Variants in CTNNA3 observed in about 807,000 individuals in gnomAD.
CTNNA3 encodes catenin alpha 3, also known as catenin alpha-3.
CTNNA3 carries 76 observed loss-of-function variants against 95.7 expected under a neutral mutation model. The observed-to-expected ratio is 0.79, with a 90% CI of 0.66 to 0.96. CTNNA3 has a LOEUF of 0.96. CTNNA3 is among the 40% of genes least tolerant of loss of function. The pLI is 0.00. For missense variants in CTNNA3, 1,191 were observed against 1,089.8 expected, an observed-to-expected ratio of 1.09 and a Z score of -1.31; for synonymous variants, 431 against 374.4, an observed-to-expected ratio of 1.15 and a Z score of -1.74.
rs529431000 is a variant in CTNNA3, at chr10:65,981,772, G to T, written c.2265+6920C>A. 2.0e-5 allele frequency among the ~76,000 whole-genome samples: 3 copies of T among 152,046 alleles called. No homozygotes were observed. The East Asian group carries it at 5.8e-4, about 30-fold the overall frequency. On this transcript the variant is annotated intron_variant, in intron 16 of 17. Transcript: ENST00000433211. ...AAGGACACCCTATATGACAAATGGT[G>T]CTGGGATAATTGGCTAGCCAGATGT...
chr10:66,552,130 C>T (rs1175337521), intron 10 of CTNNA3, among the ~76,000 whole-genome samples: 1 of 151,958 alleles, frequency 6.6e-6, no homozygotes, highest in African/African-American at 2.4e-5. Flanking sequence ...GTCTCCATCT[C>T]CTGACCTCTT....
In CTNNA3 at chr10:66,875,392, A is replaced by AT. The variant is rs898101324; in HGVS notation, c.1048-99869dup. The stretch of plus-strand genomic sequence containing the variant: ...GTCACTTTTGCTTTTAATCACTGTT[A>AT]TTTAAAAAAAAAAAAAAATAGAAGA... On this transcript the variant is annotated intron_variant, in intron 7 of 17. Coordinates refer to ENST00000433211, the MANE Select transcript of CTNNA3 (RefSeq NM_013266.4). Among the ~76,000 whole-genome samples, 26 of 67,638 alleles carry AT rather than the reference A, an allele frequency of 3.8e-4. 1 individual carries two copies. The South Asian group carries it at 0.013, about 35-fold the overall frequency. The allele number at this position is 67,638 out of a possible 152,430, so 44.4% of individuals were successfully genotyped here. A position where few individuals can be genotyped will look rare whatever the true frequency, so the allele number is the denominator to read the frequency against.
At chr10:67,165,733 T>C (rs1861740372) in intron 7 of CTNNA3, among the ~76,000 whole-genome samples, 1 of 152,198 alleles carries the variant, frequency 6.6e-6, no homozygotes, top group Non-Finnish European at 1.5e-5. Flanking sequence ...GGCTTTCCCA[T>C]ATAGCATAAA....
chr10:65,947,996 G>A (rs2077544994), intron 17 of CTNNA3, among the ~76,000 whole-genome samples: 1 of 152,216 alleles, frequency 6.6e-6, no homozygotes, highest in African/African-American at 2.4e-5. Context: ...CCATGTGCGC[G>A]GCCAGGCGCG....
intron 3 of CTNNA3, among the ~76,000 whole-genome samples, chr10:67,565,766 G>C (rs1841742722): frequency 6.7e-6 from 1 of 149,566 alleles, no homozygotes; most frequent in South Asian, 2.1e-4. Context: ...ATATAAATTA[G>C]TACAGCCTCT....
chr10:66,150,813 C>A (rs1317187802), intron 13 of CTNNA3, among the ~76,000 whole-genome samples: 5 of 151,796 alleles, frequency 3.3e-5, no homozygotes, highest in African/African-American at 1.2e-4. Flanking sequence ...TTGTTTTAAA[C>A]CTGATTTCTT....
chr10:67,329,661 T>TA (rs934447738), intron 5 of CTNNA3, among the ~76,000 whole-genome samples: 3 of 152,168 alleles, frequency 2.0e-5, no homozygotes, highest in African/African-American at 4.8e-5. Flanking sequence ...TGGGAAGAGA[T>TA]AAAAAACTCA....
intron 7 of CTNNA3, among the ~76,000 whole-genome samples, chr10:67,127,913 T>C (rs1167367273): frequency 6.6e-6 from 1 of 152,092 alleles, no homozygotes; most frequent in East Asian, 1.9e-4. Context: ...CACATGTACA[T>C]GCATGTGTAT....
intron 5 of CTNNA3, among the ~76,000 whole-genome samples, chr10:67,378,386 T>C (rs1843775471): frequency 6.6e-6 from 1 of 152,136 alleles, no homozygotes; most frequent in Admixed American, 6.5e-5. Context: ...CCAGGTATGG[T>C]TATCAAAACT....
intron 3 of CTNNA3, among the ~76,000 whole-genome samples, chr10:67,578,955 A>T (rs1842267086): frequency 1.4e-5 from 2 of 140,184 alleles, no homozygotes; most frequent in Non-Finnish European, 3.1e-5. Context: ...GCCATGTTGA[A>T]CTATCCTTGC....
In CTNNA3 at chr10:67,723,761, A is replaced by G. The variant is rs371597740; in HGVS notation, c.-2+39673T>C. On this transcript the variant is annotated intron_variant, in intron 1 of 17. Coordinates refer to the CTNNA3 transcript ENST00000684154. ...CCTGCTTAGCCTCACTTCTGATTCCAGTCACGACTGTGAAGGATAGTTCCT... is the reference window on the plus strand; with the variant it reads ...CCTGCTTAGCCTCACTTCTGATTCCGGTCACGACTGTGAAGGATAGTTCCT... 4.6e-5 allele frequency among the ~76,000 whole-genome samples: 7 copies of G among 152,110 alleles called. No homozygotes were observed. In the East Asian group the frequency reaches 9.6e-4, roughly 21 times the overall value.
chr10:66,621,668 C>A (rs2132317415), intron 10 of CTNNA3, 24 bp downstream of exon 10: 2 of 1,408,990 alleles, frequency 1.4e-6, no homozygotes, highest in East Asian at 2.3e-5. Context: ...ATTTTACACA[C>A]AAAAAGTAAC....
chr10:67,444,177 T>C (rs1846651321), intron 5 of CTNNA3, among the ~76,000 whole-genome samples: 1 of 152,098 alleles, frequency 6.6e-6, no homozygotes, highest in South Asian at 2.1e-4. Context: ...TTCAAGAAAT[T>C]AAAATAATAT....
At chr10:66,398,216 G>T (rs988729254) in intron 11 of CTNNA3, among the ~76,000 whole-genome samples, 7 of 151,810 alleles carry the variant, frequency 4.6e-5, no homozygotes, top group African/African-American at 1.7e-4. Flanking sequence ...TTGTGTACAA[G>T]ATTTCAGTTT....
At chr10:67,434,527 A>G (rs1386478571) in intron 5 of CTNNA3, among the ~76,000 whole-genome samples, 1 of 151,986 alleles carries the variant, frequency 6.6e-6, no homozygotes, top group Non-Finnish European at 1.5e-5. Flanking sequence ...TATTTGCTGA[A>G]TGGCATTTAC....
At chr10:67,647,387 T>A (rs1266768003) in intron 2 of CTNNA3, 28 bp downstream of exon 2, 6 of 1,481,288 alleles carry the variant, frequency 4.1e-6, no homozygotes, top group Non-Finnish European at 4.7e-6. Flanking sequence ...GCAGTTACTA[T>A]ATATCATAAT....
intron 5 of CTNNA3, among the ~76,000 whole-genome samples, chr10:67,370,271 C>T (rs1229830257): frequency 1.3e-5 from 2 of 151,964 alleles, no homozygotes; most frequent in Middle Eastern, 3.4e-3. Context: ...CATCATTTTA[C>T]TTTTTTCACA....
intron 12 of CTNNA3, among the ~76,000 whole-genome samples, chr10:66,288,395 T>A (rs2132183085): frequency 6.6e-6 from 1 of 151,670 alleles, no homozygotes; most frequent in East Asian, 1.9e-4. Flanking sequence ...GGGTAGGGAG[T>A]TGGGGAGAGG....
chr10:67,667,212 C>A (rs991493141), intron 1 of CTNNA3, among the ~76,000 whole-genome samples: 1 of 151,996 alleles, frequency 6.6e-6, no homozygotes, highest in Non-Finnish European at 1.5e-5. Context: ...CATAAACATG[C>A]GGTATTATGA....
Sources: allele counts gnomAD v4.1 joint callset (sites outside exome capture counted in the v4.1 genomes callset), GRCh38; gene constraint gnomAD v4.1.1; transcripts MANE v1.5; gene names NCBI Gene and HGNC (gene_info 2026-07-23, HGNC 2026-07-21).